The following DPYD variants were observed in gnomAD, a reference collection of about 807,000 sequenced individuals.
The protein encoded by DPYD is dihydropyrimidine dehydrogenase, also known as dihydropyrimidine dehydrogenase [NADP(+)].
A neutral mutation model predicts 116.2 loss-of-function variants in DPYD; 109 were observed. The ratio of observed to expected loss-of-function variants is 0.94; its 90% CI spans 0.80 to 1.10. The LOEUF (loss-of-function observed/expected upper bound fraction) is 1.10. Among genes scored for constraint, DPYD ranks in the 50% least tolerant of loss-of-function variants. DPYD has a pLI of 0.00. For missense variants in DPYD, 1,302 were observed against 1,254.5 expected (o/e 1.04, Z -0.57); for synonymous variants, 440 against 432.0 (o/e 1.02, Z -0.23).
At chr1:97,512,036 C>A (rs1185708931) in intron 13 of DPYD, among the ~76,000 whole-genome samples, 1 of 151,792 alleles carries the variant, frequency 6.6e-6, no homozygotes, top group Non-Finnish European at 1.5e-5. Context: ...TCAAAACATT[C>A]AATTCTTTTA....
intron 21 of DPYD, among the ~76,000 whole-genome samples, chr1:97,086,338 C>T (rs958442221): frequency 7.9e-4 from 110 of 140,122 alleles, no homozygotes; most frequent in African/African-American, 2.7e-3. Flanking sequence ...GCGTGAGCCA[C>T]GGCGCCTGGC....
At chr1:97,768,142 G>A (rs1011924450) in intron 3 of DPYD, among the ~76,000 whole-genome samples, 1 of 152,138 alleles carries the variant, frequency 6.6e-6, no homozygotes. Flanking sequence ...ATATGTACAT[G>A]TATCTCTTCC....
Position 97,549,590 on chromosome 1 carries a change from T to C in DPYD, c.1494A>G (p.Gln498=), listed in dbSNP as rs116364703. 1.0e-3 allele frequency: 1,638 copies of C among 1,613,866 alleles called. 16 individuals are homozygous for C. The African/African-American group carries it at 0.019, about 19-fold the overall frequency. The change falls in exon 12 of 23, where the codon CAA becomes CAG. Residue 498 remains glutamine, a synonymous_variant. Transcript: ENST00000370192. Reference sequence around the variant, plus strand: ...CGTATTTGTGAATGTACCAAGAAGCTTGCTTTCCATCATTCACCGATTCCA... The same window carrying C: ...CGTATTTGTGAATGTACCAAGAAGCCTGCTTTCCATCATTCACCGATTCCA... ...TTVESVNDGK[Q]ASWYIHKYVQ...
At chr1:97,419,349 A>G (rs1308478876) in intron 14 of DPYD, among the ~76,000 whole-genome samples, 1 of 151,838 alleles carries the variant, frequency 6.6e-6, no homozygotes, top group Non-Finnish European at 1.5e-5. Context: ...AAAACTCATC[A>G]CCTCTTCCAC....
chr1:97,904,955 T>C (rs1034701786), intron 1 of DPYD, among the ~76,000 whole-genome samples: 4 of 152,038 alleles, frequency 2.6e-5, no homozygotes, highest in South Asian at 2.1e-4. Flanking sequence ...GGCACCTGCA[T>C]AGTCAATGTA....
chr1:97,299,142 C>G (rs1329072691), intron 18 of DPYD, among the ~76,000 whole-genome samples: 1 of 152,076 alleles, frequency 6.6e-6, no homozygotes, highest in African/African-American at 2.4e-5. Context: ...TGTACCTACA[C>G]TGATTTTTTA....
intron 10 of DPYD, among the ~76,000 whole-genome samples, chr1:97,577,912 C>A (rs1474370566): frequency 1.3e-5 from 2 of 151,994 alleles, no homozygotes; most frequent in African/African-American, 2.4e-5. Flanking sequence ...GTGGCAAGAT[C>A]TCAGCTCACT....
intron 20 of DPYD, among the ~76,000 whole-genome samples, chr1:97,176,058 C>T (rs764722461): frequency 6.6e-5 from 10 of 152,156 alleles, no homozygotes; most frequent in Non-Finnish European, 1.3e-4. Context: ...ACTGAACAAA[C>T]ATCAGTGAAG....
intron 19 of DPYD, among the ~76,000 whole-genome samples, chr1:97,194,900 G>T (rs1658640314): frequency 6.6e-6 from 1 of 152,126 alleles, no homozygotes; most frequent in African/African-American, 2.4e-5. Context: ...AAGGAAGTTT[G>T]AATCAGAGAA....
At chr1:97,495,205 C>T (rs1679195849) in intron 13 of DPYD, among the ~76,000 whole-genome samples, 1 of 152,028 alleles carries the variant, frequency 6.6e-6, no homozygotes, top group Admixed American at 6.6e-5. Context: ...GCATTGTAGG[C>T]ATGCTAAGAT....
intron 14 of DPYD, among the ~76,000 whole-genome samples, chr1:97,437,821 G>A (rs1006567719): frequency 6.2e-4 from 94 of 151,936 alleles, no homozygotes; most frequent in African/African-American, 2.2e-3. Context: ...ACCTAACAAA[G>A]GTCAAAAGTT....
chr1:97,764,522 A>T (rs770757312), intron 3 of DPYD, among the ~76,000 whole-genome samples: 12 of 152,084 alleles, frequency 7.9e-5, no homozygotes, highest in Non-Finnish European at 1.8e-4. Context: ...TTTCAGTTCT[A>T]AGCAAAAAAA....
At chr1:97,608,681 G>T (rs909647460) in intron 8 of DPYD, among the ~76,000 whole-genome samples, 7 of 151,500 alleles carry the variant, frequency 4.6e-5, no homozygotes, top group Admixed American at 6.6e-5. Flanking sequence ...ACAGATATGA[G>T]AAATTTAATA....
chr1:97,460,265 G>C (rs1484720441), intron 13 of DPYD, among the ~76,000 whole-genome samples: 1 of 152,154 alleles, frequency 6.6e-6, no homozygotes, highest in Non-Finnish European at 1.5e-5. Flanking sequence ...GTTTTAGAAA[G>C]AATATTGATT....
chr1:97,204,069 A>G (rs1319482122), intron 19 of DPYD, among the ~76,000 whole-genome samples: 1 of 152,164 alleles, frequency 6.6e-6, no homozygotes, highest in Non-Finnish European at 1.5e-5. Context: ...AAACTATGTA[A>G]GAGTTAAGCG....
intron 18 of DPYD, chr1:97,265,508 G>C (rs777972439): frequency 1.3e-4 from 20 of 152,078 alleles, no homozygotes; most frequent in Non-Finnish European, 2.1e-4. Context: ...ATGTTTAATG[G>C]ATAAATAATT....
In DPYD at chr1:97,306,190, T is replaced by G; in HGVS notation, c.2166A>C (p.Arg722Ser). 1 of 1,612,542 alleles carries G rather than the reference T, an allele frequency of 6.2e-7. No individual in the cohort carries two copies. Among genetic ancestry groups the G allele is most frequent in the East Asian group, 2.2e-5 (1 of 44,826 alleles). ...PNVTDIVSIA[R>S]AAKEGGANGV... ...TCAAGTTCTTACCTTCCTTTGCAGC[T>G]CTTGCGATGCTCACAATATCAGTGA... The change falls in exon 17 of 23, where the codon AGA becomes AGC. Residue 722 changes from arginine (R) to serine (S), a missense_variant. Transcript: ENST00000370192.
intron 5 of DPYD, among the ~76,000 whole-genome samples, chr1:97,706,625 T>A (rs1661972778): frequency 6.6e-6 from 1 of 152,050 alleles, no homozygotes; most frequent in African/African-American, 2.4e-5. Flanking sequence ...ATATACAGCC[T>A]TTTCAGATTG....
intron 8 of DPYD, among the ~76,000 whole-genome samples, chr1:97,598,599 AGAAG>A (rs1655036009): frequency 1.4e-5 from 2 of 141,156 alleles, no homozygotes; most frequent in Non-Finnish European, 3.1e-5. Flanking sequence ...TCTCTGAAAA[AGAAG>A]GGAGGGAGGG....
Sources: gnomAD v4.1 joint callset for allele counts (sites outside exome capture counted in the v4.1 genomes callset) on GRCh38, gnomAD v4.1.1 for gene constraint, MANE v1.5 for transcripts, NCBI Gene and HGNC (gene_info 2026-07-23, HGNC 2026-07-21) for gene names.